NEB: variants seen among roughly 807,000 people sequenced by gnomAD.
NEB encodes nebulin, also known as nemaline myopathy type 2.
In NEB, 512 loss-of-function variants were observed where a neutral mutation model predicts 952.2. The ratio of observed to expected loss-of-function variants is 0.54; its 90% CI spans 0.50 to 0.58. The LOEUF (loss-of-function observed/expected upper bound fraction) is 0.58. Among genes scored for constraint, NEB ranks in the 20% least tolerant of loss-of-function variants. NEB has a pLI of 0.00. For synonymous variants in NEB, 2,900 were observed against 3,149.8 expected (o/e 0.92, Z 2.66); for missense variants, 8,428 against 9,231.1 (o/e 0.91, Z 3.56).
chr2:151,683,223 A>C (rs1480802337), intron 28 of NEB, among the ~76,000 whole-genome samples: 1 of 152,208 alleles, frequency 6.6e-6, no homozygotes, highest in African/African-American at 2.4e-5. Context: ...TATTCGTACT[A>C]AGTATTTGCA....
chr2:151,664,623 A>G lies in NEB; in HGVS notation c.5344-15T>C, dbSNP rs1235883656. 1.3e-6 allele frequency: 2 copies of G among 1,584,660 alleles called. No individual in the cohort carries two copies. The highest frequency in any genetic ancestry group is 1.7e-6 in the Non-Finnish European group (2 of 1,163,056). On this transcript the variant is annotated splice_polypyrimidine_tract_variant and intron_variant, in intron 43 of 181. Coordinates refer to ENST00000397345, the MANE Select transcript of NEB (RefSeq NM_001164508.2). ...TTGTACAGTTTCTAAACAATAAAATAGAAAAACAACAGCATCTTGTTATTG... is the reference window on the plus strand; with the variant it reads ...TTGTACAGTTTCTAAACAATAAAATGGAAAAACAACAGCATCTTGTTATTG...
At chr2:151,670,959 G>T (rs184716855) in intron 38 of NEB, 64 bp downstream of exon 38, 1 of 1,485,872 alleles carries the variant, frequency 6.7e-7, no homozygotes, top group African/African-American at 1.4e-5. Context: ...TAAGAAGGAC[G>T]GAGGAGCGGC....
Position 151,632,162 on chromosome 2 carries a change from A to T in NEB, c.9415-816T>A, listed in dbSNP as rs553507212. Among the ~76,000 whole-genome samples, 14 of 152,058 alleles carry T rather than the reference A, an allele frequency of 9.2e-5. 1 individual carries two copies. Among genetic ancestry groups the T allele is most frequent in the Admixed American group, 7.2e-4 (11 of 15,260 alleles). The stretch of plus-strand genomic sequence containing the variant: ...CCATATTTTTCTCACTTTATTAAAA[A>T]ATTTTTTTTTGCTGAAGGTTTTTAT... On this transcript the variant is annotated intron_variant, in intron 65 of 181. Coordinates refer to ENST00000397345, the MANE Select transcript of NEB (RefSeq NM_001164508.2).
chr2:151,643,703 G>A (rs75005333), intron 57 of NEB, 115 bp downstream of exon 57: 28,301 of 1,469,152 alleles, frequency 0.019, 385 homozygotes, highest in South Asian at 0.048. Flanking sequence ...GACTAGATGC[G>A]CTTGGGCATT....
chr2:151,577,663 C>G (rs777483632), intron 105 of NEB, among the ~76,000 whole-genome samples: 1 of 152,220 alleles, frequency 6.6e-6, no homozygotes, highest in Non-Finnish European at 1.5e-5. Flanking sequence ...ACTGCAACCT[C>G]TGCCTCCTAG....
chr2:151,642,430 C>T (rs907236447), intron 60 of NEB, 144 bp downstream of exon 60: 1 of 683,230 alleles, frequency 1.5e-6, no homozygotes, highest in Non-Finnish European at 2.4e-6. Context: ...AACTCTATTA[C>T]CATTATTTTA....
At position 151,552,755 on chromosome 2, in the gene NEB, A is replaced by T. The variant is rs1334709136; in HGVS notation, c.19753T>A (p.Leu6585Met). ...AGCTTGTAGTCATTCCTTGTTTTCA[A>T]CATGTGAGCTTTATACTTGATCTGC... is the stretch of plus-strand genomic sequence containing the variant. Reference protein sequence around the residue: ...RDDIKYKAHMLKTRNDYKLVT... With the variant: ...RDDIKYKAHMMKTRNDYKLVT... The change falls in exon 128 of 182, where the codon TTG becomes ATG. Residue 6585 changes from leucine to methionine, a missense_variant. By Grantham distance (15) the Leu-to-Met change is conservative (BLOSUM62 2). Coordinates refer to ENST00000397345, the MANE Select transcript of NEB (RefSeq NM_001164508.2). The T allele has an allele frequency of 1.2e-6, 2 of 1,612,804 alleles. No individual in the cohort carries two copies. The highest frequency in any genetic ancestry group is 1.7e-6 in the Non-Finnish European group (2 of 1,179,324).
intron 134 of NEB, 46 bp from the exon 135 acceptor site, chr2:151,546,044 T>A: frequency 8.4e-7 from 1 of 1,188,250 alleles, no homozygotes; most frequent in Non-Finnish European, 1.2e-6. Context: ...ATTAATCATT[T>A]AAGGGATTCA....
chr2:151,679,766 C>G lies in NEB; in HGVS notation c.3210G>C (p.Ala1070=). 6.4e-7 allele frequency: 1 copy of G among 1,552,940 alleles called. No homozygotes were observed. Among genetic ancestry groups the G allele is most frequent in the South Asian group, 1.1e-5 (1 of 90,214 alleles). ...CAGCTTTGGCAGCTCTGATGGGAAT[C>G]GCATCAGTTCTCAGGTCATATCCCT... is the stretch of plus-strand genomic sequence containing the variant. ...SKKGYDLRTD[A]IPIRAAKAAR... Residue 1070 remains alanine, a synonymous_variant, in exon 32 of 182, where the codon GCG becomes GCC. Coordinates refer to ENST00000397345, the MANE Select transcript of NEB (RefSeq NM_001164508.2).
chr2:151,604,035 T>C (rs1338679207), intron 85 of NEB, among the ~76,000 whole-genome samples: 4 of 134,172 alleles, frequency 3.0e-5, no homozygotes, highest in Non-Finnish European at 6.4e-5. Context: ...TAACTTTGTA[T>C]GCTTGGATTA....
At chr2:151,662,928 A>C (rs974078029) in intron 45 of NEB, among the ~76,000 whole-genome samples, 8 of 152,200 alleles carry the variant, frequency 5.3e-5, no homozygotes, top group Non-Finnish European at 7.3e-5. Context: ...GACAATTAAT[A>C]GCTCAGCCCT....
intron 29 of NEB, 100 bp downstream of exon 29, chr2:151,682,562 G>A: frequency 1.0e-6 from 1 of 995,348 alleles, no homozygotes; most frequent in Admixed American, 2.4e-5. Context: ...CTCAGCAACA[G>A]TGACTGAGAA....
At position 151,640,448 on chromosome 2, in the gene NEB, A is replaced by G. The variant is rs61730772; in HGVS notation, c.8592T>C (p.Asp2864=). 2.2e-3 allele frequency: 3,473 copies of G among 1,613,924 alleles called. 71 individuals carry two copies. The African/African-American group carries it at 0.04, about 19-fold the overall frequency. The change falls in exon 61 of 182, where the codon GAT becomes GAC. Residue 2864 remains aspartate (D), a synonymous_variant. Transcript: ENST00000397345. Reference sequence around the variant, plus strand: ...GGTGCAGGTAGTTCTTGTAGTCCACATCGCTGACTAAGGTCTGGCACTTCT... The same window carrying G: ...GGTGCAGGTAGTTCTTGTAGTCCACGTCGCTGACTAAGGTCTGGCACTTCT... The part of the protein sequence containing the change: ...LAKKCQTLVS[D]VDYKNYLHQW...
In NEB at chr2:151,485,604, A is replaced by T; in HGVS notation, c.*156T>A. 1 of 626,518 alleles carries T rather than the reference A, an allele frequency of 1.6e-6. No homozygotes were observed. The highest frequency in any genetic ancestry group is 2.6e-6 in the Non-Finnish European group (1 of 390,792). The allele number at this position is 626,518 out of a possible 1,614,324, so 38.8% of individuals were successfully genotyped here. On this transcript the variant is annotated 3_prime_UTR_variant, in exon 182 of 182. Transcript: ENST00000397345. ...AAGTGTCTGTTCTGCAACTTATTTTAAAACCCAAAGGAGAAAGGATGGTAC... is the reference window on the plus strand; with the variant it reads ...AAGTGTCTGTTCTGCAACTTATTTTTAAACCCAAAGGAGAAAGGATGGTAC...
intron 8 of NEB, among the ~76,000 whole-genome samples, 183 bp from the exon 9 acceptor site, chr2:151,723,669 C>A (rs1228781090): frequency 6.6e-6 from 1 of 151,796 alleles, no homozygotes; most frequent in African/African-American, 2.4e-5. Flanking sequence ...TGATAGCATG[C>A]CCTGCTTTTT....
At chr2:151,497,318 T>TAAAC (rs2060898528) in intron 171 of NEB, 5 of 979,576 alleles carry the variant, frequency 5.1e-6, no homozygotes, top group South Asian at 4.7e-5. Flanking sequence ...CCATGCCTCC[T>TAAAC]AAACAATTAT....
At chr2:151,731,864 T>C (rs75254271) in intron 3 of NEB, among the ~76,000 whole-genome samples, 1,991 of 152,296 alleles carry the variant, frequency 0.013, 51 homozygotes, top group African/African-American at 0.046. Flanking sequence ...GACCCTTAGG[T>C]ACATAAGTAA....
At chr2:151,554,061 A>G (rs2095487829) in intron 125 of NEB, 36 bp from the exon 126 acceptor site, 1 of 1,603,058 alleles carries the variant, frequency 6.2e-7, no homozygotes, top group East Asian at 2.2e-5. Context: ...TTATACAGGA[A>G]ATTGTGCCAA....
At chr2:151,552,847 G>A (rs1046418691) in intron 127 of NEB, 71 bp from the exon 128 acceptor site, 1 of 1,122,404 alleles carries the variant, frequency 8.9e-7, no homozygotes, top group African/African-American at 1.5e-5. Flanking sequence ...TTTCACAGAG[G>A]GTTTGGTTGC....
Sources: gnomAD v4.1 joint callset for allele counts (sites outside exome capture counted in the v4.1 genomes callset) on GRCh38, gnomAD v4.1.1 for gene constraint, MANE v1.5 for transcripts, NCBI Gene and HGNC (gene_info 2026-07-23, HGNC 2026-07-21) for gene names.